Variants in SEC31A observed in about 807,000 individuals in gnomAD.
The protein encoded by SEC31A is SEC31 homolog A, COPII component.
A neutral mutation model predicts 151.0 loss-of-function variants in SEC31A; 70 were observed. The ratio of observed to expected loss-of-function variants is 0.46; its 90% confidence interval spans 0.38 to 0.57. The LOEUF is 0.57. Ranked by LOEUF, SEC31A falls within the 20% of genes least tolerant of loss-of-function variation. The pLI is 0.00. For missense variants in SEC31A, 1,330 were observed against 1,471.2 expected (o/e 0.90, Z 1.57); for synonymous variants, 475 against 505.9 (o/e 0.94, Z 0.82).
rs1217370004 is a variant in SEC31A, at chr4:82,887,938, C to T, written c.-5+3150G>A. Among the ~76,000 whole-genome samples the T allele has an allele frequency of 2.6e-5, 4 of 151,534 alleles. No homozygotes were observed. The East Asian group carries it at 7.8e-4, about 30-fold the overall frequency. The stretch of plus-strand genomic sequence containing the variant: ...GCGGGCGCCTGTAGTCCCAGCTACT[C>T]GGGAGGCTGAGGCAGGAGAATGGCG... On this transcript the variant is annotated intron_variant, in intron 1 of 26. Transcript: ENST00000395310.
chr4:82,866,982 T>C (rs189342570), intron 9 of SEC31A, 22 bp from the exon 10 acceptor site: 4 of 1,603,998 alleles, frequency 2.5e-6, no homozygotes, highest in Non-Finnish European at 3.4e-6. Flanking sequence ...AATAATAACA[T>C]AAGCATCCGA....
intron 18 of SEC31A, among the ~76,000 whole-genome samples, chr4:82,851,902 T>C (rs544261051): frequency 6.6e-6 from 1 of 152,300 alleles, no homozygotes; most frequent in East Asian, 1.9e-4. Context: ...GTGAAAATGA[T>C]AGGCAGATGT....
At chr4:82,888,676 G>A (rs987772383) in intron 1 of SEC31A, among the ~76,000 whole-genome samples, 3 of 149,338 alleles carry the variant, frequency 2.0e-5, no homozygotes, top group African/African-American at 5.0e-5. Flanking sequence ...GTGACAGAGC[G>A]AGGCTCTGCC....
intron 22 of SEC31A, among the ~76,000 whole-genome samples, chr4:82,830,564 C>A (rs1291142268): frequency 6.6e-6 from 1 of 152,158 alleles, no homozygotes; most frequent in African/African-American, 2.4e-5. Flanking sequence ...CAAGAGTTAA[C>A]CACAAAATAT....
chr4:82,845,189 T>C, intron 20 of SEC31A: 2 of 1,495,286 alleles, frequency 1.3e-6, no homozygotes, highest in Non-Finnish European at 1.8e-6. Context: ...AGAGGAATAA[T>C]GAAGGATATA....
At chr4:82,828,968 T>C (rs745485221) in intron 23 of SEC31A, 32 bp downstream of exon 23, 1 of 1,579,726 alleles carries the variant, frequency 6.3e-7, no homozygotes, top group Admixed American at 1.7e-5. Context: ...ATAACATCTG[T>C]AGGCCATTGG....
At chr4:82,845,384 TGC>T in intron 20 of SEC31A, 1 of 641,166 alleles carries the variant, frequency 1.6e-6, no homozygotes, top group Non-Finnish European at 2.4e-6. Flanking sequence ...AATAGCCAGA[TGC>T]AAAGCCAAAG....
At chr4:82,852,378 T>C (rs1208926995) in intron 18 of SEC31A, among the ~76,000 whole-genome samples, 3 of 152,172 alleles carry the variant, frequency 2.0e-5, no homozygotes, top group African/African-American at 7.2e-5. Context: ...GACAGAGGCA[T>C]GTGATTTCCA....
chr4:82,880,769 A>G (rs1739101541), intron 3 of SEC31A, 30 bp downstream of exon 3: 1 of 1,570,614 alleles, frequency 6.4e-7, no homozygotes. Flanking sequence ...TAATTAAATA[A>G]TCACATGAAT....
At chr4:82,864,128 AT>A (rs928558884) in intron 11 of SEC31A, among the ~76,000 whole-genome samples, 10 of 151,422 alleles carry the variant, frequency 6.6e-5, no homozygotes, top group African/African-American at 1.7e-4. Flanking sequence ...ACCTATTATT[AT>A]TTTTTTTTAC....
intron 1 of SEC31A, among the ~76,000 whole-genome samples, chr4:82,884,070 G>A (rs984959193): frequency 4.1e-5 from 6 of 145,558 alleles, no homozygotes; most frequent in African/African-American, 7.6e-5. Flanking sequence ...TCACTGCAAC[G>A]TCTGCCTCCG....
intron 19 of SEC31A, among the ~76,000 whole-genome samples, chr4:82,850,531 A>G (rs1262230632): frequency 6.6e-6 from 1 of 152,186 alleles, no homozygotes; most frequent in Non-Finnish European, 1.5e-5. Context: ...ACAATTGACT[A>G]AAAAAATACA....
intron 7 of SEC31A, 37 bp from the exon 8 acceptor site, chr4:82,870,461 C>A (rs752454807): frequency 4.0e-6 from 6 of 1,490,816 alleles, no homozygotes; most frequent in East Asian, 2.3e-5. Flanking sequence ...AATTTTTAAT[C>A]TTGAGAAAAC....
chr4:82,820,940 C>A, intron 26 of SEC31A, 97 bp downstream of exon 26: 1 of 924,276 alleles, frequency 1.1e-6, no homozygotes, highest in Non-Finnish European at 1.7e-6. Context: ...GACAATTTTG[C>A]CCCCATGCAT....
intron 22 of SEC31A, among the ~76,000 whole-genome samples, chr4:82,835,990 T>A (rs1349695956): frequency 6.6e-6 from 1 of 152,038 alleles, no homozygotes; most frequent in African/African-American, 2.4e-5. Flanking sequence ...CGTAAAATGG[T>A]GCAGCTGCTG....
chr4:82,851,323 C>A (rs1007719185), intron 19 of SEC31A, 108 bp downstream of exon 19: 3 of 869,312 alleles, frequency 3.5e-6, no homozygotes, highest in Non-Finnish European at 5.3e-6. Flanking sequence ...TACAGAAATT[C>A]AACTGCTCCA....
upstream of SEC31A, chr4:82,891,386 C>G (rs868703412): frequency 1.3e-5 from 8 of 602,286 alleles, no homozygotes; most frequent in Middle Eastern, 4.5e-4. Flanking sequence ...TCGTAGAAAC[C>G]CTTTTCTGAG....
At chr4:82,845,760 A>G (rs973399128) in intron 20 of SEC31A, among the ~76,000 whole-genome samples, 1 of 152,152 alleles carries the variant, frequency 6.6e-6, no homozygotes, top group Non-Finnish European at 1.5e-5. Context: ...ATTTCATTAC[A>G]GCCACAAAAG....
intron 22 of SEC31A, among the ~76,000 whole-genome samples, chr4:82,837,015 C>T (rs1177625349): frequency 6.6e-6 from 1 of 151,386 alleles, no homozygotes; most frequent in East Asian, 1.9e-4. Flanking sequence ...ATACCTGTAT[C>T]AAAATATCTC....
Sources: allele counts gnomAD v4.1 joint callset (sites outside exome capture counted in the v4.1 genomes callset), GRCh38; gene constraint gnomAD v4.1.1; transcripts MANE v1.5; gene names NCBI Gene and HGNC (gene_info 2026-07-23, HGNC 2026-07-21).